The following TEX14 variants were observed in gnomAD, a reference collection of about 807,000 sequenced individuals.
The protein encoded by TEX14 is inactive serine/threonine-protein kinase TEX14.
In TEX14, 168 loss-of-function variants were observed where a neutral mutation model predicts 178.6. The ratio of observed to expected loss-of-function variants is 0.94; its 90% CI spans 0.83 to 1.07. The LOEUF is 1.07. Among genes scored for constraint, TEX14 ranks in the 50% least tolerant of loss-of-function variants. TEX14 has a pLI of 0.00. For missense variants in TEX14, 1,730 were observed against 1,753.6 expected (o/e 0.99, Z 0.24); for synonymous variants, 626 against 634.1 (o/e 0.99, Z 0.19).
At chr17:58,657,722 G>A (rs2046999813) in intron 1 of TEX14, among the ~76,000 whole-genome samples, 1 of 151,808 alleles carries the variant, frequency 6.6e-6, no homozygotes, top group Non-Finnish European at 1.5e-5. Flanking sequence ...TTCATTCCCG[G>A]GTGTAGGCTG....
rs1161815373 is a variant in TEX14 at position 58,558,341 on chromosome 17, TACTAGA to T, written c.4268-497_4268-492del. Reference sequence around the variant, plus strand: ...TGAGTGTTGGAGATGAGAGGTCAGTTACTAGACCTTAATGAGAGCTGGAATTGGGAA... The same window carrying T: ...TGAGTGTTGGAGATGAGAGGTCAGTTCCTTAATGAGAGCTGGAATTGGGAA... On this transcript the variant is annotated intron_variant, in intron 30 of 31. Coordinates refer to ENST00000349033, the MANE Select transcript of TEX14 (RefSeq NM_031272.5). 2.6e-5 allele frequency among the ~76,000 whole-genome samples: 4 copies of T among 152,180 alleles called. No individual in the cohort carries two copies. In the East Asian group the frequency reaches 5.8e-4, roughly 22 times the overall value.
chr17:58,604,763 T>A (rs1209412996), intron 11 of TEX14, among the ~76,000 whole-genome samples: 4 of 152,004 alleles, frequency 2.6e-5, no homozygotes, highest in African/African-American at 9.7e-5. Context: ...GTTTCACCAT[T>A]TTGGCCAGGC....
At chr17:58,629,457 A>G (rs1163409507) in intron 3 of TEX14, among the ~76,000 whole-genome samples, 4 of 131,468 alleles carry the variant, frequency 3.0e-5, no homozygotes, top group Non-Finnish European at 6.6e-5. Context: ...ATGTGTCAGG[A>G]AAAAAAAAAA....
chr17:58,557,022 A>T lies in TEX14; in HGVS notation c.4345T>A (p.Leu1449Met), dbSNP rs1346452374. The T allele has an allele frequency of 6.2e-7, 1 of 1,613,754 alleles. No homozygotes were observed. The highest frequency in any genetic ancestry group is 8.5e-7 in the Non-Finnish European group (1 of 1,179,706). The change falls in exon 32 of 32, where the codon TTG (leucine) becomes ATG (methionine). Residue 1449 changes from leucine (L) to methionine (M), a missense_variant. By Grantham distance (15) the Leu-to-Met change is conservative. Coordinates refer to ENST00000349033, the MANE Select transcript of TEX14 (RefSeq NM_031272.5). Reference protein sequence around the residue: ...SRIIVLDQSDLSD With the variant: ...SRIIVLDQSDMSD Reference sequence around the variant, plus strand: ...TGATCCAATTCCAATCAGTCTGACAAGTCACTCTGATCCAGCACGATTATC... The same window carrying T: ...TGATCCAATTCCAATCAGTCTGACATGTCACTCTGATCCAGCACGATTATC...
At chr17:58,628,540 A>G (rs591200) in intron 3 of TEX14, among the ~76,000 whole-genome samples, 100,201 of 151,988 alleles carry the variant, frequency 0.66, 33,755 homozygotes, top group African/African-American at 0.79. Flanking sequence ...GTGAAACCCC[A>G]TCTCTACTAA....
rs200564361 is a variant in TEX14 at position 58,571,916 on chromosome 17, C to T, written c.3717+5G>A. ...GAGTTTGTAACGTGGAATTGATATA[C>T]TTACAAGACCAGTCAGTCTTGAAGG... On this transcript the variant is annotated splice_donor_5th_base_variant and intron_variant, in intron 24 of 31. Transcript: ENST00000349033. 2 of 1,613,098 alleles carry T rather than the reference C, an allele frequency of 1.2e-6. No individual in the cohort carries two copies. Among genetic ancestry groups the T allele is most frequent in the African/African-American group, 1.3e-5 (1 of 74,894 alleles).
intron 3 of TEX14, 106 bp from the exon 4 acceptor site, chr17:58,623,118 G>A: frequency 2.0e-6 from 2 of 990,574 alleles, no homozygotes; most frequent in Non-Finnish European, 2.9e-6. Flanking sequence ...AGGCAACGTT[G>A]GTGACGAGGA....
intron 1 of TEX14, among the ~76,000 whole-genome samples, chr17:58,656,290 C>T (rs1338768085): frequency 6.6e-6 from 1 of 152,008 alleles, no homozygotes; most frequent in Non-Finnish European, 1.5e-5. Context: ...ACTAAAAATA[C>T]AAAAATTAGC....
At chr17:58,593,534 A>T in intron 15 of TEX14, 21 bp downstream of exon 15, 1 of 1,584,344 alleles carries the variant, frequency 6.3e-7, no homozygotes, top group Non-Finnish European at 8.7e-7. Flanking sequence ...TGACATTAAG[A>T]ACAACAAAAT....
chr17:58,567,126 C>A (rs1276246982), intron 26 of TEX14, among the ~76,000 whole-genome samples: 2 of 152,180 alleles, frequency 1.3e-5, no homozygotes, highest in Non-Finnish European at 2.9e-5. Flanking sequence ...GAGATCACTC[C>A]ATTGCACTCT....
At chr17:58,625,664 G>T (rs1567743485) in intron 3 of TEX14, among the ~76,000 whole-genome samples, 1 of 151,936 alleles carries the variant, frequency 6.6e-6, no homozygotes, top group African/African-American at 2.4e-5. Flanking sequence ...CAACTCAGAA[G>T]TTTATTTTAT....
intron 26 of TEX14, among the ~76,000 whole-genome samples, chr17:58,566,748 G>A (rs551845939): frequency 2.9e-4 from 43 of 149,432 alleles, no homozygotes; most frequent in African/African-American, 1.0e-3. Flanking sequence ...GCAGTGAGCC[G>A]AGATGATGCC....
chr17:58,685,047 T>C (rs117751399), intron 1 of TEX14, among the ~76,000 whole-genome samples: 2 of 152,132 alleles, frequency 1.3e-5, no homozygotes, highest in African/African-American at 4.8e-5. Flanking sequence ...CAAATGTAGA[T>C]CTAAACCATA....
chr17:58,681,945 A>C (rs1481128079), intron 1 of TEX14, among the ~76,000 whole-genome samples: 4 of 152,204 alleles, frequency 2.6e-5, no homozygotes, highest in African/African-American at 7.2e-5. Context: ...ATTACCACCA[A>C]ACAATTCTTA....
At chr17:58,591,352 T>C (rs1469818814) in intron 15 of TEX14, among the ~76,000 whole-genome samples, 2 of 152,058 alleles carry the variant, frequency 1.3e-5, no homozygotes, top group East Asian at 3.9e-4. Flanking sequence ...ACTCCATCTC[T>C]ACTAAAAAAT....
chr17:58,636,805 T>C (rs1455463474), intron 2 of TEX14, among the ~76,000 whole-genome samples: 1 of 151,972 alleles, frequency 6.6e-6, no homozygotes, highest in Non-Finnish European at 1.5e-5. Context: ...CCCAGCTACT[T>C]GGGAGGCTGA....
intron 2 of TEX14, among the ~76,000 whole-genome samples, chr17:58,642,480 T>C (rs2046597000): frequency 1.3e-5 from 2 of 152,094 alleles, no homozygotes; most frequent in Admixed American, 6.6e-5. Context: ...GTCTGGGACA[T>C]ATCTTTTGGG....
At chr17:58,645,569 G>A (rs576228580) in intron 2 of TEX14, among the ~76,000 whole-genome samples, 22 of 152,026 alleles carry the variant, frequency 1.4e-4, no homozygotes, top group Non-Finnish European at 2.2e-4. Flanking sequence ...CATGTTACCC[G>A]GGATGGTCTT....
rs764045254 is a variant in TEX14 at position 58,598,989 on chromosome 17, G to A, written c.2356C>T (p.Leu786=). 6.2e-7 allele frequency: 1 copy of A among 1,614,182 alleles called. No homozygotes were observed. Reference sequence around the variant, plus strand: ...TTTAAAGATGGAGGGCCCACGGCCAGAGGTAACTTGTAGGCATTTGTAAAC... The same window carrying A: ...TTTAAAGATGGAGGGCCCACGGCCAAAGGTAACTTGTAGGCATTTGTAAAC... ...REFTNAYKLP[L]AVGPPSLNYI... Residue 786 remains leucine (L), a synonymous_variant, in exon 14 of 32, where the codon CTG becomes TTG. Coordinates refer to ENST00000349033, the MANE Select transcript of TEX14 (RefSeq NM_031272.5).
Sources: gnomAD v4.1 joint callset for allele counts (sites outside exome capture counted in the v4.1 genomes callset) on GRCh38, gnomAD v4.1.1 for gene constraint, MANE v1.5 for transcripts, NCBI Gene and HGNC (gene_info 2026-07-23, HGNC 2026-07-21) for gene names.